Variants in GAS7 observed in about 807,000 individuals in gnomAD.
The protein encoded by GAS7 is growth arrest-specific protein 7.
In GAS7, 28 loss-of-function variants were observed where a neutral mutation model predicts 71.1. The observed-to-expected ratio is 0.39, with a 90% CI of 0.29 to 0.54. GAS7 has a LOEUF of 0.54. Ranked by LOEUF, GAS7 falls within the 20% of genes least tolerant of loss-of-function variation. The probability of loss-of-function intolerance (pLI) is 0.62; values close to 1 mark genes in which losing one functional copy is unlikely to be tolerated. For synonymous variants in GAS7, 258 were observed against 245.8 expected (o/e 1.05, Z -0.46); for missense variants, 436 against 627.8 (o/e 0.69, Z 3.27).
intron 1 of GAS7, among the ~76,000 whole-genome samples, chr17:10,192,725 G>C (rs1481196751): frequency 6.6e-6 from 1 of 152,208 alleles, no homozygotes; most frequent in Non-Finnish European, 1.5e-5. Flanking sequence ...GACCAGTCCA[G>C]CACACAAGTG....
At chr17:10,078,418 A>G (rs2073420260) in intron 1 of GAS7, among the ~76,000 whole-genome samples, 1 of 152,180 alleles carries the variant, frequency 6.6e-6, no homozygotes. Flanking sequence ...GGGCTAGTGA[A>G]GAGAGAAGAA....
rs987430386 is a variant in GAS7, at chr17:9,944,205, C to T, written c.616-969G>A. On this transcript the variant is annotated intron_variant, in intron 6 of 13. Transcript: ENST00000432992. ...TCACCCACACATCTGCCCGCACGGC[C>T]GTGGCTGCTGGAGCACCAGCTCCCA... 3.3e-5 allele frequency among the ~76,000 whole-genome samples: 5 copies of T among 152,238 alleles called. 1 individual carries two copies. The highest frequency in any genetic ancestry group is 1.2e-4 in the African/African-American group (5 of 41,454).
chr17:9,955,016 T>A (rs1290291488), intron 5 of GAS7, among the ~76,000 whole-genome samples: 1 of 152,194 alleles, frequency 6.6e-6, no homozygotes, highest in African/African-American at 2.4e-5. Context: ...ATGAGGAAAC[T>A]GAGACACAGA....
chr17:10,057,451 G>A (rs933047129), intron 1 of GAS7, among the ~76,000 whole-genome samples: 37 of 150,622 alleles, frequency 2.5e-4, no homozygotes, highest in South Asian at 6.3e-4. Flanking sequence ...CCGCGACCCC[G>A]TCTGGGAGGT....
chr17:10,184,247 A>T (rs1329703159), intron 1 of GAS7, among the ~76,000 whole-genome samples: 1 of 151,994 alleles, frequency 6.6e-6, no homozygotes, highest in Admixed American at 6.6e-5. Context: ...TGAATCCTGC[A>T]CTTCCTCCTT....
At chr17:9,992,573 T>A (rs1031024608) in intron 2 of GAS7, among the ~76,000 whole-genome samples, 20 of 148,790 alleles carry the variant, frequency 1.3e-4, no homozygotes, top group South Asian at 2.1e-4. Flanking sequence ...TTTTTTTTTT[T>A]ATTGTAATTT....
intron 5 of GAS7, among the ~76,000 whole-genome samples, chr17:9,953,925 G>C (rs1325784374): frequency 6.6e-6 from 1 of 152,214 alleles, no homozygotes; most frequent in Non-Finnish European, 1.5e-5. Flanking sequence ...GGAATGTAAG[G>C]CATCATCTCT....
intron 2 of GAS7, among the ~76,000 whole-genome samples, chr17:10,019,260 A>T (rs1450742483): frequency 6.6e-6 from 1 of 152,200 alleles, no homozygotes; most frequent in Non-Finnish European, 1.5e-5. Flanking sequence ...TTTCCCAAAA[A>T]ACATCTGGAG....
rs543028265 is a variant in GAS7, at chr17:10,095,519, C to A, written c.184-75622G>T. Among the ~76,000 whole-genome samples, 4 of 152,192 alleles carry A rather than the reference C, an allele frequency of 2.6e-5. No individual in the cohort carries two copies. The East Asian group carries it at 7.7e-4, about 29-fold the overall frequency. Reference sequence around the variant, plus strand: ...ATCCTTTGAAGGTCCAGTTTGATGACAAATGTGTAAGTTTCTCAGATCTTG... The same window carrying A: ...ATCCTTTGAAGGTCCAGTTTGATGAAAAATGTGTAAGTTTCTCAGATCTTG... On this transcript the variant is annotated intron_variant, in intron 1 of 13. Transcript: ENST00000432992.
At chr17:10,013,944 G>A (rs2071889584) in intron 2 of GAS7, among the ~76,000 whole-genome samples, 1 of 152,074 alleles carries the variant, frequency 6.6e-6, no homozygotes, top group African/African-American at 2.4e-5. Flanking sequence ...CACAAATCCT[G>A]GGCCACCCTC....
rs181320474 is a variant in GAS7 at position 10,139,067 on chromosome 17, C to T, written c.183+59141G>A. On this transcript the variant is annotated intron_variant, in intron 1 of 13. Coordinates refer to ENST00000432992, the MANE Select transcript of GAS7 (RefSeq NM_201433.2). ...TAGTTTTATATTCTCCAGGAAGACA[C>T]TGAAAAACAGACACAAAAAGGACAT... Among the ~76,000 whole-genome samples, 635 of 152,200 alleles carry T rather than the reference C, an allele frequency of 4.2e-3. 7 individuals carry two copies. The highest frequency in any genetic ancestry group is 0.015 in the African/African-American group (614 of 41,522).
chr17:10,185,930 G>C (rs1263292825), intron 1 of GAS7, among the ~76,000 whole-genome samples: 2 of 149,102 alleles, frequency 1.3e-5, no homozygotes, highest in Non-Finnish European at 3.0e-5. Flanking sequence ...TTCCACTTCA[G>C]ACTACTAAAT....
chr17:9,915,641 A>G lies in GAS7; in HGVS notation c.*1587T>C, dbSNP rs2067563140. The G allele has an allele frequency of 4.4e-6, 1 of 228,822 alleles. No individual in the cohort carries two copies. Among genetic ancestry groups the G allele is most frequent in the Non-Finnish European group, 8.7e-6 (1 of 115,356 alleles). The allele number at this position is 228,822 out of a possible 1,614,324, so 14.2% of individuals were successfully genotyped here. Reference sequence around the variant, plus strand: ...AGAGGCGCCAAAAAATTAGAGATTAATAAGTCATCGGTTTCTAGCACGTTG... The same window carrying G: ...AGAGGCGCCAAAAAATTAGAGATTAGTAAGTCATCGGTTTCTAGCACGTTG... On this transcript the variant is annotated 3_prime_UTR_variant, in exon 14 of 14. Coordinates refer to ENST00000432992, the MANE Select transcript of GAS7 (RefSeq NM_201433.2).
At chr17:10,079,949 T>C (rs1417269278) in intron 1 of GAS7, among the ~76,000 whole-genome samples, 1 of 152,198 alleles carries the variant, frequency 6.6e-6, no homozygotes, top group African/African-American at 2.4e-5. Context: ...GACAATGTAA[T>C]GTACTGACTT....
intron 4 of GAS7, among the ~76,000 whole-genome samples, chr17:9,961,475 T>C (rs16959087): frequency 0.025 from 3,784 of 152,302 alleles, 140 homozygotes; most frequent in African/African-American, 0.085. Flanking sequence ...TCTGTCTTCC[T>C]GTCATGGACA....
At chr17:9,949,852 G>GCCCT (rs534864829) in intron 5 of GAS7, among the ~76,000 whole-genome samples, 1,113 of 93,392 alleles carry the variant, frequency 0.012, 19 homozygotes, top group African/African-American at 0.044. Flanking sequence ...CTTCCCTCCT[G>GCCCT]CCCTCCCTCC....
intron 2 of GAS7, among the ~76,000 whole-genome samples, chr17:10,000,528 A>G (rs1487990520): frequency 6.6e-6 from 1 of 152,218 alleles, no homozygotes; most frequent in Non-Finnish European, 1.5e-5. Context: ...GGTCAGAGAG[A>G]TCTAGGAAAA....
rs566731535 is a variant in GAS7, at chr17:9,934,503, G to C, written c.807-259C>G. ...TGTGGCGCACAGCCAAGAGGTGGGGGGGGTGGGGATTCCTAGAAATCCAGA... is the reference window on the plus strand; with the variant it reads ...TGTGGCGCACAGCCAAGAGGTGGGGCGGGTGGGGATTCCTAGAAATCCAGA... On this transcript the variant is annotated intron_variant, in intron 8 of 13. Coordinates refer to ENST00000432992, the MANE Select transcript of GAS7 (RefSeq NM_201433.2). Among the ~76,000 whole-genome samples, 6 of 152,204 alleles carry C rather than the reference G, an allele frequency of 3.9e-5. No individual in the cohort carries two copies. The East Asian group carries it at 1.2e-3, about 29-fold the overall frequency.
intron 1 of GAS7, among the ~76,000 whole-genome samples, chr17:10,102,896 C>T (rs1349051511): frequency 4.6e-5 from 7 of 152,132 alleles, no homozygotes; most frequent in East Asian, 1.9e-4. Flanking sequence ...GTTCAATAGG[C>T]GAGTAATTAG....
Sources: allele counts gnomAD v4.1 joint callset (sites outside exome capture counted in the v4.1 genomes callset), GRCh38; gene constraint gnomAD v4.1.1; transcripts MANE v1.5; gene names NCBI Gene and HGNC (gene_info 2026-07-23, HGNC 2026-07-21).